CTNNA3: variants seen among roughly 807,000 people sequenced by gnomAD.
The protein encoded by CTNNA3 is catenin alpha-3.
Under a neutral mutation model 95.7 loss-of-function variants are expected in CTNNA3, and 76 were observed. That is an observed-to-expected ratio of 0.79 (90% CI 0.66 to 0.96). The LOEUF is 0.96. Among genes scored for constraint, CTNNA3 ranks in the 40% least tolerant of loss-of-function variants. CTNNA3 has a pLI of 0.00. For missense variants in CTNNA3, 1,191 were observed against 1,089.8 expected, an observed-to-expected ratio of 1.09 and a Z score of -1.31; for synonymous variants, 431 against 374.4, an observed-to-expected ratio of 1.15 and a Z score of -1.74.
chr10:67,743,527 A>C (rs187788965), intron 1 of CTNNA3, among the ~76,000 whole-genome samples: 2,536 of 151,436 alleles, frequency 0.017, 110 homozygotes, highest in African/African-American at 0.058. Flanking sequence ...TATCTATGAC[A>C]AACCCACAGC....
chr10:66,634,431 G>A (rs1845264894), intron 9 of CTNNA3, among the ~76,000 whole-genome samples: 1 of 152,068 alleles, frequency 6.6e-6, no homozygotes, highest in Non-Finnish European at 1.5e-5. Flanking sequence ...ACAAGGCACT[G>A]GTTTTACCTT....
At chr10:67,177,969 G>A (rs1862324302) in intron 7 of CTNNA3, among the ~76,000 whole-genome samples, 1 of 152,142 alleles carries the variant, frequency 6.6e-6, no homozygotes, top group Admixed American at 6.5e-5. Flanking sequence ...TTTAGACAGG[G>A]GTCCCAGGCT....
At chr10:66,202,310 C>A (rs1177378980) in intron 13 of CTNNA3, among the ~76,000 whole-genome samples, 1 of 152,180 alleles carries the variant, frequency 6.6e-6, no homozygotes. Context: ...CAGACGGTAG[C>A]CTCCTCTTGT....
At chr10:67,723,397 T>C (rs970303409) in intron 1 of CTNNA3, among the ~76,000 whole-genome samples, 5 of 151,794 alleles carry the variant, frequency 3.3e-5, no homozygotes, top group Non-Finnish European at 5.9e-5. Flanking sequence ...GTCCAAGTGA[T>C]CCTCCCATCT....
At chr10:66,386,255 T>C (rs1473169913) in intron 11 of CTNNA3, among the ~76,000 whole-genome samples, 1 of 152,174 alleles carries the variant, frequency 6.6e-6, no homozygotes, top group Non-Finnish European at 1.5e-5. Context: ...AGTCTCAGGA[T>C]ACAAAATCAA....
intron 7 of CTNNA3, among the ~76,000 whole-genome samples, chr10:66,980,264 G>A (rs1305312411): frequency 1.3e-5 from 2 of 152,104 alleles, no homozygotes; most frequent in East Asian, 1.9e-4. Flanking sequence ...TGTGTTCCTT[G>A]TCTCTTCTCC....
chr10:67,305,231 G>A (rs1226110228), intron 5 of CTNNA3, among the ~76,000 whole-genome samples: 4 of 152,046 alleles, frequency 2.6e-5, no homozygotes, highest in East Asian at 1.9e-4. Context: ...AGCCGAGATC[G>A]CGCCACTGCA....
At chr10:66,808,835 G>A (rs1310726234) in intron 7 of CTNNA3, among the ~76,000 whole-genome samples, 1 of 152,120 alleles carries the variant, frequency 6.6e-6, no homozygotes, top group African/African-American at 2.4e-5. Flanking sequence ...AATTTGGAAT[G>A]ACTTATTCGC....
At chr10:67,224,053 A>G (rs1864782158) in intron 5 of CTNNA3, among the ~76,000 whole-genome samples, 1 of 152,216 alleles carries the variant, frequency 6.6e-6, no homozygotes, top group Non-Finnish European at 1.5e-5. Flanking sequence ...ATATTAATCA[A>G]TATATCCATC....
intron 17 of CTNNA3, among the ~76,000 whole-genome samples, chr10:65,964,703 C>T (rs2077920741): frequency 1.3e-5 from 2 of 152,040 alleles, no homozygotes; most frequent in African/African-American, 4.8e-5. Context: ...CCTTACAAAG[C>T]ACGATTAGTG....
At chr10:67,639,470 A>T (rs1295677478) in intron 2 of CTNNA3, among the ~76,000 whole-genome samples, 1 of 152,210 alleles carries the variant, frequency 6.6e-6, no homozygotes, top group Non-Finnish European at 1.5e-5. Flanking sequence ...TATTCCAATC[A>T]ACAGAAAAAG....
chr10:67,670,779 CCT>C (rs1840415709), intron 1 of CTNNA3, among the ~76,000 whole-genome samples: 1 of 152,036 alleles, frequency 6.6e-6, no homozygotes, highest in Admixed American at 6.6e-5. Context: ...GTTCCATTCC[CCT>C]CTCTGCTTCT....
At chr10:66,880,557 T>C (rs192625902) in intron 7 of CTNNA3, among the ~76,000 whole-genome samples, 46 of 152,206 alleles carry the variant, frequency 3.0e-4, no homozygotes, top group African/African-American at 1.1e-3. Flanking sequence ...TCAGGGACTT[T>C]GATGACCCTA....
intron 13 of CTNNA3, among the ~76,000 whole-genome samples, chr10:66,125,356 T>C (rs993894124): frequency 4.6e-5 from 7 of 152,148 alleles, no homozygotes; most frequent in Non-Finnish European, 7.3e-5. Flanking sequence ...GAATACTGTA[T>C]TGAAAGATGA....
chr10:67,156,219 C>CA (rs1465545657), intron 7 of CTNNA3, among the ~76,000 whole-genome samples: 3 of 151,306 alleles, frequency 2.0e-5, no homozygotes, highest in Admixed American at 6.6e-5. Context: ...TGTATCTTTT[C>CA]AAAAAAACCA....
At chr10:66,360,784 T>TTCCTTCCTTCCTTC (rs1564897074) in intron 12 of CTNNA3, among the ~76,000 whole-genome samples, 9 of 52,812 alleles carry the variant, frequency 1.7e-4, no homozygotes, top group African/African-American at 5.2e-4. Context: ...TTTCTTTCTT[T>TTCCTTCCTTCCTTC]CTTCCTTCCT....
chr10:67,154,085 A>G (rs1589801370), intron 7 of CTNNA3, among the ~76,000 whole-genome samples: 6 of 152,146 alleles, frequency 3.9e-5, no homozygotes, highest in Admixed American at 3.3e-4. Context: ...TATCCAATGT[A>G]TAAGTATTTT....
At chr10:66,152,144 C>T (rs1168942388) in intron 13 of CTNNA3, among the ~76,000 whole-genome samples, 1 of 151,740 alleles carries the variant, frequency 6.6e-6, no homozygotes, top group African/African-American at 2.4e-5. Flanking sequence ...AAATAAGTAC[C>T]ATTCAAAAAC....
At chr10:66,838,901 A>G (rs1026677053) in intron 7 of CTNNA3, among the ~76,000 whole-genome samples, 2 of 152,210 alleles carry the variant, frequency 1.3e-5, no homozygotes, top group Admixed American at 6.5e-5. Context: ...GCTTATAAGA[A>G]GTTGGACAGG....
Sources: gnomAD v4.1 joint callset for allele counts (sites outside exome capture counted in the v4.1 genomes callset) on GRCh38, gnomAD v4.1.1 for gene constraint, MANE v1.5 for transcripts, NCBI Gene and HGNC (gene_info 2026-07-23, HGNC 2026-07-21) for gene names.